Variants in GABRA3 observed in about 807,000 individuals in gnomAD.
The protein encoded by GABRA3 is gamma-aminobutyric acid type A receptor subunit alpha3.
In GABRA3, 10 loss-of-function variants were observed where a neutral mutation model predicts 30.1. The observed-to-expected ratio is 0.33, with a 90% confidence interval of 0.20 to 0.56. The LOEUF (loss-of-function observed/expected upper bound fraction) is 0.56, where lower values mean the gene tolerates loss of function less well. Ranked by LOEUF, GABRA3 falls within the 20% of genes least tolerant of loss-of-function variation. GABRA3 has a pLI of 0.89. For missense variants in GABRA3, 233 were observed against 392.0 expected (o/e 0.59, Z 3.42); for synonymous variants, 151 against 146.8 (o/e 1.03, Z -0.21).
chrX:152,327,992 A>G (rs1054132564), intron 3 of GABRA3, among the ~76,000 whole-genome samples: 2 of 111,489 alleles, frequency 1.8e-5, no homozygotes, highest in Non-Finnish European at 3.8e-5. Flanking sequence ...GAATCAAATA[A>G]ACACGATAAA....
chrX:152,315,974 C>T (rs1378574012), intron 3 of GABRA3, among the ~76,000 whole-genome samples: 1 of 54,136 alleles, frequency 1.8e-5, no homozygotes, highest in East Asian at 6.4e-4. Context: ...CCCCCCGACC[C>T]CCCCCCCCCC....
chrX:152,290,623 C>T (rs1251702870), intron 3 of GABRA3, among the ~76,000 whole-genome samples: 1 of 111,852 alleles, frequency 8.9e-6, no homozygotes, highest in Non-Finnish European at 1.9e-5. Context: ...CCTAGGTTTT[C>T]TTTTAGGGCT....
intron 5 of GABRA3, among the ~76,000 whole-genome samples, chrX:152,230,333 G>A (rs1938043258): frequency 9.0e-6 from 1 of 111,648 alleles, no homozygotes; most frequent in Non-Finnish European, 1.9e-5. Context: ...GTCTTTATTT[G>A]AAGGTGACAT....
chrX:152,197,604 T>G (rs373933296), intron 8 of GABRA3, 29 bp downstream of exon 8: 1 of 1,162,821 alleles, frequency 8.6e-7, no homozygotes, highest in Non-Finnish European at 1.2e-6. Context: ...GATAAGACTT[T>G]CCCCTACGCT....
intron 5 of GABRA3, among the ~76,000 whole-genome samples, chrX:152,248,459 G>A (rs1375798673): frequency 9.0e-6 from 1 of 110,695 alleles, no homozygotes; most frequent in Admixed American, 9.7e-5. Context: ...TGCACGTTGT[G>A]CACATGTACC....
chrX:152,446,257 G>A (rs184135771), intron 1 of GABRA3, among the ~76,000 whole-genome samples: 3 of 111,536 alleles, frequency 2.7e-5, no homozygotes, highest in Admixed American at 9.5e-5. Context: ...TTTTTAAAGC[G>A]GTACATTTTC....
chrX:152,293,810 A>G (rs1271688058), intron 3 of GABRA3, among the ~76,000 whole-genome samples: 3 of 111,181 alleles, frequency 2.7e-5, no homozygotes. Flanking sequence ...AGCTCTTGTA[A>G]GGCAGGCCTG....
At chrX:152,283,967 T>C (rs1939243672) in intron 4 of GABRA3, among the ~76,000 whole-genome samples, 1 of 111,677 alleles carries the variant, frequency 9.0e-6, no homozygotes. Context: ...AATTATTCAA[T>C]TGAATATTTG....
intron 1 of GABRA3, among the ~76,000 whole-genome samples, chrX:152,380,413 T>C (rs1243016313): frequency 8.9e-6 from 1 of 112,326 alleles, no homozygotes; most frequent in Non-Finnish European, 1.9e-5. Context: ...ATCTATATTG[T>C]CACAAATGGC....
At chrX:152,206,650 G>A (rs917781690) in intron 7 of GABRA3, among the ~76,000 whole-genome samples, 3 of 111,458 alleles carry the variant, frequency 2.7e-5, no homozygotes, top group African/African-American at 9.8e-5. Flanking sequence ...GCCAATGCAC[G>A]ATGGCCAGGA....
intron 8 of GABRA3, among the ~76,000 whole-genome samples, chrX:152,192,191 T>C (rs1937333264): frequency 8.9e-6 from 1 of 112,113 alleles, no homozygotes; most frequent in African/African-American, 3.2e-5. Context: ...TCTTAGCTAG[T>C]CAGAGCTGGT....
intron 3 of GABRA3, among the ~76,000 whole-genome samples, chrX:152,316,623 C>T (rs1368696274): frequency 9.0e-6 from 1 of 111,567 alleles, no homozygotes; most frequent in Non-Finnish European, 1.9e-5. Context: ...CACCAGGTAA[C>T]CTATAAAGGA....
rs1217381230 is a variant in GABRA3 at position 152,368,807 on chromosome X, A to G, written c.-26-4211T>C. On this transcript the variant is annotated intron_variant, in intron 1 of 9. Transcript: ENST00000370314. ...TGCAAGCTCTGCCTCCTGGGTTCACACCATTCTCCTGCCTCAGCCTCCCGA... is the reference window on the plus strand; with the variant it reads ...TGCAAGCTCTGCCTCCTGGGTTCACGCCATTCTCCTGCCTCAGCCTCCCGA... Among the ~76,000 whole-genome samples the G allele has an allele frequency of 1.1e-4, 11 of 97,628 alleles. No homozygotes were observed. In the South Asian group the frequency reaches 1.5e-3, roughly 13 times the overall value. The allele number at this position is 97,628 out of a possible 115,157, so 84.8% of individuals were successfully genotyped here. A position where few individuals can be genotyped will look rare whatever the true frequency, so the allele number is the denominator to read the frequency against.
At chrX:152,302,640 G>A (rs753726155) in intron 3 of GABRA3, among the ~76,000 whole-genome samples, 1 of 110,920 alleles carries the variant, frequency 9.0e-6, no homozygotes, top group Non-Finnish European at 1.9e-5. Flanking sequence ...AAGGTATATG[G>A]TGACGCTGAG....
intron 1 of GABRA3, among the ~76,000 whole-genome samples, chrX:152,421,541 G>A (rs1930373754): frequency 9.0e-6 from 1 of 111,106 alleles, no homozygotes; most frequent in East Asian, 2.8e-4. Flanking sequence ...TGATCAACTA[G>A]ACTAAATTAA....
chrX:152,294,168 G>A (rs1229263912), intron 3 of GABRA3, among the ~76,000 whole-genome samples: 1 of 111,167 alleles, frequency 9.0e-6, no homozygotes, highest in Non-Finnish European at 1.9e-5. Context: ...TTTGAACATT[G>A]GCCTACCTTG....
intron 1 of GABRA3, among the ~76,000 whole-genome samples, chrX:152,446,913 C>T: frequency 8.9e-6 from 1 of 111,894 alleles, no homozygotes; most frequent in Non-Finnish European, 1.9e-5. Context: ...AGTATTTCTG[C>T]ATACACTTTA....
At chrX:152,356,209 T>A (rs2124488380) in intron 2 of GABRA3, among the ~76,000 whole-genome samples, 1 of 112,058 alleles carries the variant, frequency 8.9e-6, no homozygotes, top group South Asian at 3.7e-4. Context: ...CAAATCATAA[T>A]CTTCAAATGC....
chrX:152,358,880 G>A (rs1261947225), intron 2 of GABRA3, among the ~76,000 whole-genome samples: 3 of 111,873 alleles, frequency 2.7e-5, no homozygotes, highest in Non-Finnish European at 5.6e-5. Context: ...ATTTGCATAT[G>A]CTGAACCAAC....
Sources: gnomAD v4.1 joint callset for allele counts (sites outside exome capture counted in the v4.1 genomes callset) on GRCh38, gnomAD v4.1.1 for gene constraint, MANE v1.5 for transcripts, NCBI Gene and HGNC (gene_info 2026-07-23, HGNC 2026-07-21) for gene names.